Variants in USP47 observed in about 807,000 individuals in gnomAD.
USP47 encodes the protein ubiquitin carboxyl-terminal hydrolase 47.
USP47 carries 35 observed loss-of-function variants against 165.1 expected under a neutral mutation model. The ratio of observed to expected loss-of-function variants is 0.21; its 90% CI spans 0.16 to 0.28. USP47 has a LOEUF of 0.28. USP47 is among the 10% of genes least tolerant of loss of function. The probability of loss-of-function intolerance (pLI) is 1.00; values close to 1 mark genes in which losing one functional copy is unlikely to be tolerated. For missense variants in USP47, 1,277 were observed against 1,607.4 expected (o/e 0.79, Z 3.52); for synonymous variants, 531 against 544.5 (o/e 0.98, Z 0.35).
chr11:11,928,602 C>G lies in USP47; in HGVS notation c.1387-832C>G, dbSNP rs1027244774. Among the ~76,000 whole-genome samples, 11 of 151,978 alleles carry G rather than the reference C, an allele frequency of 7.2e-5. No individual in the cohort carries two copies. In the East Asian group the frequency reaches 7.7e-4, roughly 11 times the overall value. On this transcript the variant is annotated intron_variant, in intron 11 of 27. Transcript: ENST00000527733. Reference sequence around the variant, plus strand: ...TGGAAATCTTCTGATGTCAAATTGCCTTTTTAACCTCCTTCTCTGTTTCTG... The same window carrying G: ...TGGAAATCTTCTGATGTCAAATTGCGTTTTTAACCTCCTTCTCTGTTTCTG...
rs1470064396 is a variant in USP47, at chr11:11,936,461, G to C, written c.2028G>C (p.Leu676=). The change falls in exon 17 of 28, where the codon CTG becomes CTC. Residue 676 remains leucine, a synonymous_variant. Coordinates refer to ENST00000527733, the MANE Select transcript of USP47 (RefSeq NM_001282659.2). ...GVKSTYMFDL[L]LETRKPDQVF... is the part of the protein sequence containing the mutation. ...AGTCAACATATATGTTTGATCTGCT[G>C]TTGGAGACGAGAAAGCCTGATCAGG... 1.2e-6 allele frequency: 2 copies of C among 1,604,946 alleles called. No individual in the cohort carries two copies. The highest frequency in any genetic ancestry group is 1.7e-6 in the Non-Finnish European group (2 of 1,173,894).
Position 11,932,984 on chromosome 11 carries a change from C to T in USP47, c.1652-20C>T. The T allele has an allele frequency of 6.3e-7, 1 of 1,593,722 alleles. No individual in the cohort carries two copies. Among genetic ancestry groups the T allele is most frequent in the Non-Finnish European group, 8.6e-7 (1 of 1,163,780 alleles). On this transcript the variant is annotated intron_variant, in intron 14 of 27. Transcript: ENST00000527733. ...CTCAGTTTCAGTGACACTGTCTTAT[C>T]CTGTTTTTATTACTAATAGAATTTC...
At chr11:11,943,162 C>G (rs1207563537) in intron 20 of USP47, 50 bp downstream of exon 20, 8 of 1,534,674 alleles carry the variant, frequency 5.2e-6, no homozygotes, top group Non-Finnish European at 6.1e-6. Flanking sequence ...CAGTTTTTCT[C>G]TCAGTTTATT....
chr11:11,920,023 T>A (rs1237005539), intron 8 of USP47, 133 bp from the exon 9 acceptor site: 1 of 558,044 alleles, frequency 1.8e-6, no homozygotes. Context: ...ATAATTTTCC[T>A]TGGTACATTT....
intron 2 of USP47, among the ~76,000 whole-genome samples, chr11:11,881,743 A>T (rs1159834354): frequency 6.6e-6 from 1 of 152,096 alleles, no homozygotes; most frequent in East Asian, 1.9e-4. Context: ...TGCAATTATT[A>T]AAAAAATTTC....
At chr11:11,916,226 T>C (rs141482976) in intron 8 of USP47, among the ~76,000 whole-genome samples, 91 of 152,256 alleles carry the variant, frequency 6.0e-4, no homozygotes, top group African/African-American at 1.9e-3. Context: ...AGGCAGAGGA[T>C]TGCCTGAGCT....
At position 11,955,265 on chromosome 11, in the gene USP47, C is replaced by T. The variant is rs896126013; in HGVS notation, c.3893+101C>T. The T allele has an allele frequency of 3.5e-5, 47 of 1,361,560 alleles. 1 individual carries two copies. In the Middle Eastern group the frequency reaches 7.5e-4, roughly 22 times the overall value. 84.3% of individuals were successfully genotyped at this position (1,361,560 alleles called of 1,614,324 possible). ...TCTTTACTGTTTTTATGATATGGAG[C>T]GGCACTAACCGGTAGAAATACAGTG... On this transcript the variant is annotated intron_variant, in intron 27 of 27. Transcript: ENST00000527733.
rs1354789618 is a variant in USP47 at position 11,959,457 on chromosome 11, A to T, written c.*3282A>T. ...CCAGGGAGATAGTAGGACAGTTTTT[A>T]TGAGGGTTTCAAAGGAGTTCATGGC... On this transcript the variant is annotated 3_prime_UTR_variant, in exon 28 of 28. Coordinates refer to ENST00000527733, the MANE Select transcript of USP47 (RefSeq NM_001282659.2). The T allele has an allele frequency of 6.6e-6, 1 of 152,190 alleles. No homozygotes were observed. The highest frequency in any genetic ancestry group is 2.4e-5 in the African/African-American group (1 of 41,432). 9.4% of individuals were successfully genotyped at this position (152,190 alleles called of 1,614,324 possible). A position where few individuals can be genotyped will look rare whatever the true frequency, so the allele number is the denominator to read the frequency against.
intron 1 of USP47, among the ~76,000 whole-genome samples, chr11:11,847,472 A>G (rs1441288396): frequency 1.3e-5 from 2 of 152,126 alleles, no homozygotes; most frequent in Non-Finnish European, 2.9e-5. Flanking sequence ...GTACTCTAGG[A>G]CCCACAAATT....
At chr11:11,927,568 A>C (rs191371347) in intron 11 of USP47, among the ~76,000 whole-genome samples, 1 of 152,080 alleles carries the variant, frequency 6.6e-6, no homozygotes, top group Non-Finnish European at 1.5e-5. Flanking sequence ...TTTAGTTCTT[A>C]CTTTGCTATT....
intron 1 of USP47, among the ~76,000 whole-genome samples, chr11:11,849,799 C>G (rs569752511): frequency 6.6e-6 from 1 of 152,130 alleles, no homozygotes; most frequent in Admixed American, 6.5e-5. Flanking sequence ...GGGCCACTTT[C>G]AATAGTTCTC....
At chr11:11,900,017 T>C (rs1173269920) in intron 5 of USP47, among the ~76,000 whole-genome samples, 1 of 152,070 alleles carries the variant, frequency 6.6e-6, no homozygotes, top group Non-Finnish European at 1.5e-5. Flanking sequence ...AGAGTAGCAC[T>C]AGTGTAAAAG....
intron 12 of USP47, 143 bp downstream of exon 12, chr11:11,929,708 T>G: frequency 7.8e-6 from 10 of 1,276,264 alleles, no homozygotes; most frequent in Non-Finnish European, 9.6e-6. Flanking sequence ...TAATTTTTGC[T>G]TTTAGTAAAG....
At chr11:11,864,924 G>T (rs1268865339) in intron 1 of USP47, among the ~76,000 whole-genome samples, 1 of 152,050 alleles carries the variant, frequency 6.6e-6, no homozygotes, top group Admixed American at 6.6e-5. Context: ...CACTGGAAAT[G>T]TAATTCTGGG....
chr11:11,957,315 T>C lies in USP47; in HGVS notation c.*1140T>C, dbSNP rs1215509170. 6.6e-6 allele frequency: 1 copy of C among 152,560 alleles called. No individual in the cohort carries two copies. The highest frequency in any genetic ancestry group is 2.4e-5 in the African/African-American group (1 of 41,466). The allele number at this position is 152,560 out of a possible 1,614,324, so 9.5% of individuals were successfully genotyped here. On this transcript the variant is annotated 3_prime_UTR_variant, in exon 28 of 28. Coordinates refer to ENST00000527733, the MANE Select transcript of USP47 (RefSeq NM_001282659.2). ...CAGGTCATGGTACAGACTGATGCAG[T>C]CAACATGATTTCATTGCAGAGTTTA...
In USP47 at chr11:11,842,154, G is replaced by T; in HGVS notation, c.-32G>T. ...CCGCCGCCACCCTCCACCCTCCCCCGGCAGGGCGGAGAGGAGCGGCCGGAG... is the reference window on the plus strand; with the variant it reads ...CCGCCGCCACCCTCCACCCTCCCCCTGCAGGGCGGAGAGGAGCGGCCGGAG... On this transcript the variant is annotated 5_prime_UTR_variant, in exon 1 of 28. Transcript: ENST00000527733. The T allele has an allele frequency of 1.3e-6, 2 of 1,551,284 alleles. No individual in the cohort carries two copies. Among genetic ancestry groups the T allele is most frequent in the South Asian group, 1.2e-5 (1 of 84,034 alleles).
intron 20 of USP47, among the ~76,000 whole-genome samples, chr11:11,946,332 A>G (rs1443791979): frequency 6.6e-6 from 1 of 152,256 alleles, no homozygotes; most frequent in Admixed American, 6.5e-5. Context: ...TTCCAGAACC[A>G]GTTGGTCATA....
At chr11:11,926,256 G>A (rs1021997814) in intron 11 of USP47, among the ~76,000 whole-genome samples, 4 of 152,098 alleles carry the variant, frequency 2.6e-5, no homozygotes, top group Non-Finnish European at 5.9e-5. Flanking sequence ...AGAAGGATTC[G>A]TGTTAATTCT....
At chr11:11,903,817 G>A (rs1852378973) in intron 7 of USP47, among the ~76,000 whole-genome samples, 1 of 152,134 alleles carries the variant, frequency 6.6e-6, no homozygotes, top group Non-Finnish European at 1.5e-5. Context: ...GGAAAGAGGA[G>A]CAGGTTAGAA....
Sources: allele counts gnomAD v4.1 joint callset (sites outside exome capture counted in the v4.1 genomes callset), GRCh38; gene constraint gnomAD v4.1.1; transcripts MANE v1.5; gene names NCBI Gene and HGNC (gene_info 2026-07-23, HGNC 2026-07-21).